Variants in TNIK observed in about 807,000 individuals in gnomAD.
TNIK encodes the protein TRAF2 and NCK interacting kinase.
TNIK carries 49 observed loss-of-function variants against 191.3 expected under a neutral mutation model. The observed-to-expected ratio is 0.26, with a 90% CI of 0.20 to 0.32. The LOEUF (loss-of-function observed/expected upper bound fraction) is 0.32, where lower values mean the gene tolerates loss of function less well. TNIK is among the 10% of genes least tolerant of loss of function. The probability of loss-of-function intolerance (pLI) is 1.00; values close to 1 mark genes in which losing one functional copy is unlikely to be tolerated. For synonymous variants in TNIK, 594 were observed against 600.9 expected, an observed-to-expected ratio of 0.99 and a Z score of 0.17; for missense variants, 1,155 against 1,702.3, an observed-to-expected ratio of 0.68 and a Z score of 5.66.
At chr3:171,142,031 A>T (rs1163863712) in intron 12 of TNIK, among the ~76,000 whole-genome samples, 3 of 152,142 alleles carry the variant, frequency 2.0e-5, no homozygotes, top group African/African-American at 7.2e-5. Flanking sequence ...CCATGTGGAA[A>T]CCTTCCCGAT....
At chr3:171,205,211 T>C (rs767058944) in intron 4 of TNIK, among the ~76,000 whole-genome samples, 7 of 152,246 alleles carry the variant, frequency 4.6e-5, no homozygotes, top group Admixed American at 4.6e-4. Flanking sequence ...CTAACTATTA[T>C]GTTTCTGTCT....
At chr3:171,447,307 G>GAAA (rs10649565) in intron 1 of TNIK, among the ~76,000 whole-genome samples, 75 of 140,940 alleles carry the variant, frequency 5.3e-4, no homozygotes, top group African/African-American at 1.1e-3. Context: ...TTTTAGGCAA[G>GAAA]AAAAAAAAAA....
At chr3:171,097,948 C>T (rs1017827983) in intron 22 of TNIK, among the ~76,000 whole-genome samples, 1 of 152,044 alleles carries the variant, frequency 6.6e-6, no homozygotes, top group Non-Finnish European at 1.5e-5. Context: ...AGATTATATC[C>T]ATGAATCTAT....
At chr3:171,105,712 G>A (rs1018017209) in intron 21 of TNIK, among the ~76,000 whole-genome samples, 1 of 152,126 alleles carries the variant, frequency 6.6e-6, no homozygotes, top group African/African-American at 2.4e-5. Flanking sequence ...AAAATATTCT[G>A]GGTTAATCAG....
At chr3:171,379,617 T>G (rs1717740020) in intron 1 of TNIK, among the ~76,000 whole-genome samples, 1 of 152,174 alleles carries the variant, frequency 6.6e-6, no homozygotes, top group Non-Finnish European at 1.5e-5. Context: ...TTAAGAAAAC[T>G]CTTCAGGGTA....
chr3:171,165,134 A>T (rs895777207), intron 10 of TNIK, among the ~76,000 whole-genome samples: 2 of 151,998 alleles, frequency 1.3e-5, no homozygotes, highest in Admixed American at 6.6e-5. Flanking sequence ...CTAAAAATCT[A>T]AAAAAATATA....
rs538730499 is a variant in TNIK at position 171,447,467 on chromosome 3, G to A, written c.57+12540C>T. Among the ~76,000 whole-genome samples, 6 of 152,314 alleles carry A rather than the reference G, an allele frequency of 3.9e-5. No individual in the cohort carries two copies. The South Asian group carries it at 1.2e-3, about 32-fold the overall frequency. ...TTCTGGGAAGTCTGTGAGCCTCAGG[G>A]TGATAATACAACAGATAATTCTGAT... On this transcript the variant is annotated intron_variant, in intron 1 of 32. Transcript: ENST00000436636.
At chr3:171,218,384 C>A (rs77035428) in intron 3 of TNIK, among the ~76,000 whole-genome samples, 1,784 of 152,226 alleles carry the variant, frequency 0.012, 34 homozygotes, top group African/African-American at 0.041. Context: ...AAGACCCAAA[C>A]TCAAGTAACC....
Position 171,084,312 on chromosome 3 carries a change from G to A in TNIK, c.3012C>T (p.Ser1004=), listed in dbSNP as rs61736291. The change falls in exon 26 of 33, where the codon AGC becomes AGT. Residue 1004 remains serine, a synonymous_variant. Coordinates refer to ENST00000436636, the MANE Select transcript of TNIK (RefSeq NM_015028.4). ...EESSAAALFT[S]ELLRQEQAKL... ...TGGCCTGTTCTTGCCTAAGAAGTTC[G>A]CTAGTAAACAGAGCTTTGAGAAAAA... is the stretch of plus-strand genomic sequence containing the variant. 6,037 of 1,612,216 alleles carry A rather than the reference G, an allele frequency of 3.7e-3. 207 individuals are homozygous for A. In the African/African-American group the frequency reaches 0.072, roughly 19 times the overall value.
intron 2 of TNIK, among the ~76,000 whole-genome samples, chr3:171,337,093 G>A (rs949348527): frequency 1.3e-5 from 2 of 152,200 alleles, no homozygotes; most frequent in African/African-American, 4.8e-5. Flanking sequence ...AGAGCACTTT[G>A]TGCCAACCAA....
intron 22 of TNIK, among the ~76,000 whole-genome samples, chr3:171,098,215 A>G (rs1371687892): frequency 1.3e-5 from 2 of 152,192 alleles, no homozygotes; most frequent in African/African-American, 4.8e-5. Flanking sequence ...ACTAATACCT[A>G]AGGTTGCCTC....
At chr3:171,367,763 C>T (rs545256658) in intron 2 of TNIK, among the ~76,000 whole-genome samples, 1 of 152,314 alleles carries the variant, frequency 6.6e-6, no homozygotes, top group East Asian at 1.9e-4. Flanking sequence ...AGCCACCGCA[C>T]CTGGCCAGGC....
intron 7 of TNIK, among the ~76,000 whole-genome samples, chr3:171,180,272 C>T (rs1736479703): frequency 6.6e-6 from 1 of 152,170 alleles, no homozygotes; most frequent in Non-Finnish European, 1.5e-5. Flanking sequence ...CTCACCTCCC[C>T]AAAGCCTGCT....
intron 2 of TNIK, among the ~76,000 whole-genome samples, chr3:171,319,710 A>C (rs1378544481): frequency 6.6e-6 from 1 of 152,190 alleles, no homozygotes; most frequent in African/African-American, 2.4e-5. Flanking sequence ...TACGTTTCTC[A>C]AGGCATTCAA....
rs572848835 is a variant in TNIK at position 171,290,484 on chromosome 3, G to A, written c.124-62263C>T. On this transcript the variant is annotated intron_variant, in intron 2 of 32. Coordinates refer to ENST00000436636, the MANE Select transcript of TNIK (RefSeq NM_015028.4). Reference sequence around the variant, plus strand: ...ATGTTAAGGTCTCAGTAGAGTGCCTGGCACACAATAGATATGTGAGAAATG... The same window carrying A: ...ATGTTAAGGTCTCAGTAGAGTGCCTAGCACACAATAGATATGTGAGAAATG... 5.9e-5 allele frequency among the ~76,000 whole-genome samples: 9 copies of A among 152,260 alleles called. No individual in the cohort carries two copies. In the South Asian group the frequency reaches 1.9e-3, roughly 32 times the overall value.
At chr3:171,097,213 G>A (rs1261420057) in intron 22 of TNIK, among the ~76,000 whole-genome samples, 1 of 152,158 alleles carries the variant, frequency 6.6e-6, no homozygotes, top group Non-Finnish European at 1.5e-5. Context: ...ACAAATGTAT[G>A]AACAACTTCA....
chr3:171,143,188 A>G (rs1385358387), intron 12 of TNIK, among the ~76,000 whole-genome samples: 2 of 152,318 alleles, frequency 1.3e-5, no homozygotes, highest in East Asian at 3.9e-4. Context: ...TGAGGTTGGA[A>G]AAATAAATCG....
intron 2 of TNIK, among the ~76,000 whole-genome samples, chr3:171,350,680 AAACT>A (rs947343981): frequency 6.6e-5 from 10 of 152,056 alleles, no homozygotes; most frequent in Non-Finnish European, 1.0e-4. Context: ...GCATACATAA[AAACT>A]AACTTTTTTG....
intron 2 of TNIK, among the ~76,000 whole-genome samples, chr3:171,292,284 T>A (rs1267751317): frequency 6.6e-6 from 1 of 152,244 alleles, no homozygotes; most frequent in African/African-American, 2.4e-5. Context: ...AAAGTAACTT[T>A]GGATTGTATC....
Sources: gnomAD v4.1 joint callset for allele counts (sites outside exome capture counted in the v4.1 genomes callset) on GRCh38, gnomAD v4.1.1 for gene constraint, MANE v1.5 for transcripts, NCBI Gene and HGNC (gene_info 2026-07-23, HGNC 2026-07-21) for gene names.